Variants in SLC39A12 observed in about 807,000 individuals in gnomAD.
SLC39A12 encodes the protein zinc transporter ZIP12.
In SLC39A12, 63 loss-of-function variants were observed where a neutral mutation model predicts 71.1. That is an observed-to-expected ratio of 0.89 (90% CI 0.72 to 1.09). The LOEUF (loss-of-function observed/expected upper bound fraction) is 1.09. SLC39A12 is among the 50% of genes least tolerant of loss of function. The pLI is 0.00. For synonymous variants in SLC39A12, 351 were observed against 301.3 expected (o/e 1.16, Z -1.71); for missense variants, 892 against 812.6 (o/e 1.10, Z -1.19).
At chr10:17,979,959 T>A (rs1835210282) in intron 5 of SLC39A12, among the ~76,000 whole-genome samples, 1 of 151,980 alleles carries the variant, frequency 6.6e-6, no homozygotes, top group Non-Finnish European at 1.5e-5. Context: ...AAGGCCAAAC[T>A]GTGAAAGGAA....
intron 2 of SLC39A12, among the ~76,000 whole-genome samples, chr10:17,960,075 G>A (rs1834648641): frequency 6.6e-6 from 1 of 152,200 alleles, no homozygotes; most frequent in Non-Finnish European, 1.5e-5. Context: ...AATAAATTGT[G>A]GGGATGTGAC....
chr10:18,037,022 A>T (rs1432009399), intron 12 of SLC39A12, among the ~76,000 whole-genome samples: 1 of 151,566 alleles, frequency 6.6e-6, no homozygotes, highest in African/African-American at 2.4e-5. Context: ...CTTGACCTCA[A>T]GTGATCTGCC....
At chr10:18,007,943 T>G (rs1836078445) in intron 12 of SLC39A12, among the ~76,000 whole-genome samples, 1 of 152,210 alleles carries the variant, frequency 6.6e-6, no homozygotes, top group Non-Finnish European at 1.5e-5. Flanking sequence ...CTCAGCCTCA[T>G]TTTACCCAGC....
At chr10:18,012,915 T>C (rs183934067) in intron 12 of SLC39A12, among the ~76,000 whole-genome samples, 213 of 151,324 alleles carry the variant, frequency 1.4e-3, no homozygotes, top group Non-Finnish European at 2.0e-3. Flanking sequence ...ATGGATTTGT[T>C]TGTGGTTGTT....
intron 2 of SLC39A12, among the ~76,000 whole-genome samples, chr10:17,958,874 C>T (rs1389747207): frequency 6.6e-6 from 1 of 152,080 alleles, no homozygotes; most frequent in Non-Finnish European, 1.5e-5. Flanking sequence ...TGGATTATTA[C>T]ATAGGCTGGA....
chr10:17,980,517 A>T (rs1309121100), intron 5 of SLC39A12, among the ~76,000 whole-genome samples: 1 of 152,136 alleles, frequency 6.6e-6, no homozygotes, highest in African/African-American at 2.4e-5. Context: ...ACCTACTAAA[A>T]CTTTTAAATT....
At chr10:18,020,544 AG>A (rs1836506590) in intron 12 of SLC39A12, among the ~76,000 whole-genome samples, 1 of 152,142 alleles carries the variant, frequency 6.6e-6, no homozygotes, top group Non-Finnish European at 1.5e-5. Flanking sequence ...AGAAATCTCC[AG>A]ACTGTTTTCC....
chr10:17,990,577 A>G (rs144879782), intron 7 of SLC39A12, among the ~76,000 whole-genome samples: 6 of 152,164 alleles, frequency 3.9e-5, no homozygotes, highest in African/African-American at 1.2e-4. Context: ...GTTACAGAAA[A>G]ATTCCCAACA....
intron 4 of SLC39A12, 53 bp from the exon 5 acceptor site, chr10:17,977,849 T>C (rs1835148682): frequency 2.3e-6 from 3 of 1,297,462 alleles, no homozygotes; most frequent in Non-Finnish European, 3.1e-6. Context: ...AAATTGTGAC[T>C]ATTCGGAACT....
rs72778353 is a variant in SLC39A12, at chr10:18,001,587, A to G, written c.1759+762A>G. Among the ~76,000 whole-genome samples the G allele has an allele frequency of 4.2e-3, 647 of 152,356 alleles. 7 individuals are homozygous for G. The highest frequency in any genetic ancestry group is 0.028 in the South Asian group (133 of 4,826). On this transcript the variant is annotated intron_variant, in intron 11 of 12. Transcript: ENST00000377369. ...AACCTGACTTATACAAAATGTTTAAAGCCAAGCCTAGCATTGAAATGACAG... is the reference window on the plus strand; with the variant it reads ...AACCTGACTTATACAAAATGTTTAAGGCCAAGCCTAGCATTGAAATGACAG...
At chr10:18,019,456 G>T (rs1051970563) in intron 12 of SLC39A12, among the ~76,000 whole-genome samples, 6 of 151,412 alleles carry the variant, frequency 4.0e-5, no homozygotes, top group African/African-American at 1.5e-4. Flanking sequence ...TCTTTTTCTA[G>T]TTTCCTAAGA....
chr10:18,038,996 A>G (rs1295610146), intron 12 of SLC39A12, among the ~76,000 whole-genome samples: 1 of 152,230 alleles, frequency 6.6e-6, no homozygotes, highest in East Asian at 1.9e-4. Flanking sequence ...CTTGCCCAAA[A>G]TATTTTTCTC....
At chr10:17,966,335 G>A (rs1352053512) in intron 4 of SLC39A12, among the ~76,000 whole-genome samples, 1 of 152,088 alleles carries the variant, frequency 6.6e-6, no homozygotes, top group Non-Finnish European at 1.5e-5. Flanking sequence ...TTTAGAGACA[G>A]GGTCTCATTC....
At chr10:18,041,487 C>G (rs1337917211) in intron 12 of SLC39A12, among the ~76,000 whole-genome samples, 3 of 147,498 alleles carry the variant, frequency 2.0e-5, no homozygotes, top group Non-Finnish European at 4.5e-5. Context: ...CAGAGTGAGA[C>G]TCTGTCTCAA....
At chr10:18,006,557 G>A (rs1836025333) in intron 12 of SLC39A12, among the ~76,000 whole-genome samples, 1 of 152,176 alleles carries the variant, frequency 6.6e-6, no homozygotes, top group African/African-American at 2.4e-5. Flanking sequence ...TGAAGGACCG[G>A]CAAACTGAAA....
chr10:17,971,824 A>C (rs1834982445), intron 4 of SLC39A12, among the ~76,000 whole-genome samples: 1 of 152,028 alleles, frequency 6.6e-6, no homozygotes, highest in Non-Finnish European at 1.5e-5. Context: ...TCTTCCTTCA[A>C]ATTCATTTAC....
At chr10:18,021,356 CATT>C (rs932999496) in intron 12 of SLC39A12, among the ~76,000 whole-genome samples, 1 of 151,924 alleles carries the variant, frequency 6.6e-6, no homozygotes, top group Admixed American at 6.6e-5. Context: ...AACCTTTTAT[CATT>C]ATGTAATGCC....
At chr10:18,040,703 AG>A (rs2130911074) in intron 12 of SLC39A12, among the ~76,000 whole-genome samples, 2 of 148,566 alleles carry the variant, frequency 1.3e-5, no homozygotes, top group South Asian at 4.2e-4. Context: ...CAGGAGGCAG[AG>A]GTTGCAGTGA....
At chr10:18,015,470 A>G (rs1003369758) in intron 12 of SLC39A12, among the ~76,000 whole-genome samples, 3 of 152,236 alleles carry the variant, frequency 2.0e-5, no homozygotes, top group East Asian at 1.9e-4. Flanking sequence ...TAGTGATCAC[A>G]TTTGGGAAAA....
Sources: gnomAD v4.1 joint callset for allele counts (sites outside exome capture counted in the v4.1 genomes callset) on GRCh38, gnomAD v4.1.1 for gene constraint, MANE v1.5 for transcripts, NCBI Gene and HGNC (gene_info 2026-07-23, HGNC 2026-07-21) for gene names.